The following CCSER1 variants were observed in gnomAD, a reference collection of about 807,000 sequenced individuals.
CCSER1 encodes coiled-coil serine rich protein 1, also known as serine-rich coiled-coil domain-containing protein 1.
Under a neutral mutation model 82.0 loss-of-function variants are expected in CCSER1, and 41 were observed. The ratio of observed to expected loss-of-function variants is 0.50; its 90% CI spans 0.39 to 0.65. The LOEUF is 0.65. Among genes scored for constraint, CCSER1 ranks in the 30% least tolerant of loss-of-function variants. The probability of loss-of-function intolerance (pLI) is 0.00; values close to 1 mark genes in which losing one functional copy is unlikely to be tolerated. For missense variants in CCSER1, 1,119 were observed against 1,064.2 expected, an observed-to-expected ratio of 1.05 and a Z score of -0.72; for synonymous variants, 414 against 383.9, an observed-to-expected ratio of 1.08 and a Z score of -0.92.
At chr4:91,389,634 G>A (rs561768891) in intron 10 of CCSER1, among the ~76,000 whole-genome samples, 6 of 151,842 alleles carry the variant, frequency 4.0e-5, no homozygotes, top group Non-Finnish European at 5.9e-5. Context: ...CTGAGATTTC[G>A]GTGGGGATTG....
At chr4:91,404,494 T>C (rs540312801) in intron 10 of CCSER1, among the ~76,000 whole-genome samples, 3 of 152,330 alleles carry the variant, frequency 2.0e-5, no homozygotes, top group Non-Finnish European at 4.4e-5. Context: ...TGTTAGGGTG[T>C]CAATTTTAGA....
intron 10 of CCSER1, among the ~76,000 whole-genome samples, chr4:91,483,432 C>A (rs190384875): frequency 6.6e-6 from 1 of 151,702 alleles, no homozygotes; most frequent in Admixed American, 6.6e-5. Flanking sequence ...TGTTATTATA[C>A]TTTTTTACTT....
intron 8 of CCSER1, among the ~76,000 whole-genome samples, chr4:90,882,643 A>C (rs889783768): frequency 4.6e-5 from 7 of 152,020 alleles, no homozygotes; most frequent in African/African-American, 1.4e-4. Context: ...GCTCTATCTA[A>C]TCATTAAAGA....
At chr4:90,175,232 C>T (rs1732448743) in intron 1 of CCSER1, among the ~76,000 whole-genome samples, 1 of 151,902 alleles carries the variant, frequency 6.6e-6, no homozygotes, top group South Asian at 2.1e-4. Flanking sequence ...ACTAGTTATG[C>T]TGAGTGAAAG....
chr4:90,659,723 A>G (rs993236213), intron 6 of CCSER1, among the ~76,000 whole-genome samples: 1 of 152,100 alleles, frequency 6.6e-6, no homozygotes, highest in Non-Finnish European at 1.5e-5. Context: ...TAGCATTTAA[A>G]CTTTTAAAAA....
rs566789180 is a variant in CCSER1 at position 90,810,387 on chromosome 4, C to G, written c.2011-5375C>G. Among the ~76,000 whole-genome samples, 14 of 152,234 alleles carry G rather than the reference C, an allele frequency of 9.2e-5. No homozygotes were observed. In the South Asian group the frequency reaches 2.9e-3, roughly 32 times the overall value. On this transcript the variant is annotated intron_variant, in intron 7 of 10. Transcript: ENST00000509176. ...GTGAGGCCAGGAACAGTGGCTCATG[C>G]CTGTAATCCCAGCACTTTGAGAGGT...
At chr4:90,189,448 A>T (rs1312107816) in intron 1 of CCSER1, among the ~76,000 whole-genome samples, 1 of 151,926 alleles carries the variant, frequency 6.6e-6, no homozygotes, top group Non-Finnish European at 1.5e-5. Context: ...AGTCTGAGAC[A>T]GTTGGCTTAT....
At chr4:91,165,895 G>GCA (rs1732002519) in intron 10 of CCSER1, among the ~76,000 whole-genome samples, 2 of 152,274 alleles carry the variant, frequency 1.3e-5, no homozygotes, top group East Asian at 1.9e-4. Flanking sequence ...CCTGGGAGAG[G>GCA]TGGTATCCTG....
In CCSER1 at chr4:90,864,083, A is replaced by AT. The variant is rs1765437020; in HGVS notation, c.2094+48239dup. On this transcript the variant is annotated intron_variant, in intron 8 of 10. Transcript: ENST00000509176. ...AGGGCTCTTCATTTCCATCTTTTCC[A>AT]TGTCAACTTGCTCACTAATGTTTTC... Among the ~76,000 whole-genome samples, 3 of 149,924 alleles carry AT rather than the reference A, an allele frequency of 2.0e-5. No individual in the cohort carries two copies. The South Asian group carries it at 6.3e-4, about 31-fold the overall frequency.
chr4:91,182,910 G>A (rs1734176599), intron 10 of CCSER1, among the ~76,000 whole-genome samples: 1 of 152,184 alleles, frequency 6.6e-6, no homozygotes, highest in South Asian at 2.1e-4. Flanking sequence ...TGGTAAGTTG[G>A]GCATCCCTGT....
chr4:90,498,411 T>C (rs1216351855), intron 5 of CCSER1, among the ~76,000 whole-genome samples: 1 of 152,182 alleles, frequency 6.6e-6, no homozygotes, highest in Non-Finnish European at 1.5e-5. Flanking sequence ...AAGATAAGTG[T>C]AGACTACTGT....
At chr4:91,266,957 T>C (rs1003951413) in intron 10 of CCSER1, among the ~76,000 whole-genome samples, 9 of 152,308 alleles carry the variant, frequency 5.9e-5, no homozygotes, top group African/African-American at 1.7e-4. Context: ...TTCCAGATAA[T>C]TGGAAAATTG....
intron 8 of CCSER1, among the ~76,000 whole-genome samples, chr4:90,883,718 C>T (rs532614001): frequency 1.3e-5 from 2 of 152,116 alleles, no homozygotes; most frequent in Admixed American, 6.6e-5. Context: ...ATTCTGTCAC[C>T]GTGAGGTGCT....
chr4:91,175,406 C>T (rs1048654920), intron 10 of CCSER1, among the ~76,000 whole-genome samples: 1 of 152,194 alleles, frequency 6.6e-6, no homozygotes, highest in African/African-American at 2.4e-5. Flanking sequence ...ACACTGCCTT[C>T]CACAATGGTT....
chr4:91,417,813 C>T (rs1206676118), intron 10 of CCSER1, among the ~76,000 whole-genome samples: 1 of 151,430 alleles, frequency 6.6e-6, no homozygotes, highest in Non-Finnish European at 1.5e-5. Context: ...TGTAACAAAC[C>T]TGCACATTGT....
At chr4:90,262,485 C>T (rs899192688) in intron 1 of CCSER1, among the ~76,000 whole-genome samples, 2 of 152,062 alleles carry the variant, frequency 1.3e-5, no homozygotes, top group African/African-American at 4.8e-5. Context: ...TTCATTGCCC[C>T]ATCGTATGCA....
chr4:91,512,618 A>G (rs373619193), intron 10 of CCSER1, among the ~76,000 whole-genome samples: 2 of 152,184 alleles, frequency 1.3e-5, no homozygotes, highest in East Asian at 3.8e-4. Flanking sequence ...TCCCTTTTAT[A>G]TATACATCTA....
At chr4:91,558,877 C>T (rs1364019167) in intron 10 of CCSER1, among the ~76,000 whole-genome samples, 1 of 151,538 alleles carries the variant, frequency 6.6e-6, no homozygotes, top group African/African-American at 2.4e-5. Context: ...CAAACCATAT[C>T]ACCATTAATA....
intron 10 of CCSER1, among the ~76,000 whole-genome samples, chr4:91,166,472 T>A (rs770786412): frequency 6.6e-6 from 1 of 152,178 alleles, no homozygotes; most frequent in Non-Finnish European, 1.5e-5. Context: ...TCTAATTACC[T>A]GTCAATGGGC....
Sources: gnomAD v4.1 joint callset for allele counts (sites outside exome capture counted in the v4.1 genomes callset) on GRCh38, gnomAD v4.1.1 for gene constraint, MANE v1.5 for transcripts, NCBI Gene and HGNC (gene_info 2026-07-23, HGNC 2026-07-21) for gene names.